Variants in HSPG2 observed in about 807,000 individuals in gnomAD.
HSPG2 encodes basement membrane-specific heparan sulfate proteoglycan core protein.
Under a neutral mutation model 526.6 loss-of-function variants are expected in HSPG2, and 278 were observed. That is an observed-to-expected ratio of 0.53 (90% CI 0.48 to 0.58). The LOEUF (loss-of-function observed/expected upper bound fraction) is 0.58. Ranked by LOEUF, HSPG2 falls within the 20% of genes least tolerant of loss-of-function variation. The pLI, the probability that HSPG2 is intolerant of heterozygous loss-of-function variation, is 0.00. For missense variants in HSPG2, 5,354 were observed against 6,099.5 expected (o/e 0.88, Z 4.07); for synonymous variants, 2,465 against 2,555.4 (o/e 0.96, Z 1.07).
chr1:21,872,574 C>T lies in HSPG2; in HGVS notation c.4029+46G>A, dbSNP rs1414376780. ...CAGTGCTCAGATGGACAGTAACAGGCAGCAGGTGGCAACACCGCCTGGGGC... is the reference window on the plus strand; with the variant it reads ...CAGTGCTCAGATGGACAGTAACAGGTAGCAGGTGGCAACACCGCCTGGGGC... On this transcript the variant is annotated intron_variant, in intron 32 of 96. Transcript: ENST00000374695. This position sits in a 1 kb window ranked among gnomAD's most constrained non-coding sequence, Gnocchi z 5.5. The T allele has an allele frequency of 5.1e-6, 8 of 1,557,578 alleles. No individual in the cohort carries two copies. The highest frequency in any genetic ancestry group is 1.9e-5 in the Admixed American group (1 of 51,382).
At chr1:21,866,106 A>G (rs1640209739) in intron 33 of HSPG2, among the ~76,000 whole-genome samples, 1 of 152,102 alleles carries the variant, frequency 6.6e-6, no homozygotes, top group African/African-American at 2.4e-5. Context: ...GTCTGCTTTC[A>G]TTTACAGGAA....
In HSPG2 at chr1:21,887,964, C is replaced by T. The variant is rs907141038; in HGVS notation, c.677G>A (p.Arg226Lys). 3.7e-6 allele frequency: 6 copies of T among 1,614,086 alleles called. No individual in the cohort carries two copies. In the African/African-American group the frequency reaches 6.7e-5, roughly 18 times the overall value. ...ACAATTGAGCTCATCAGACATGTCC[C>T]TGCAGTCGGGCCGCCGGTCACAGCG... is the stretch of plus-strand genomic sequence containing the variant. ...EYRCDRRPDC[R>K]DMSDELNCEE... The change falls in exon 7 of 97, where the codon AGG (arginine) becomes AAG (lysine). Residue 226 changes from arginine (R) to lysine (K), a missense_variant. By Grantham distance (26) the Arg-to-Lys change is conservative. Coordinates refer to ENST00000374695, the MANE Select transcript of HSPG2 (RefSeq NM_005529.7). This position sits in a 1 kb window ranked among gnomAD's most constrained non-coding sequence, Gnocchi z 5.0.
At chr1:21,921,926 G>A (rs1462371301) in intron 1 of HSPG2, among the ~76,000 whole-genome samples, 2 of 152,128 alleles carry the variant, frequency 1.3e-5, no homozygotes, top group African/African-American at 4.8e-5. Context: ...ACATTATGAA[G>A]ATCCCATAAG....
chr1:21,867,179 C>T (rs1640309149), intron 33 of HSPG2, among the ~76,000 whole-genome samples: 2 of 135,800 alleles, frequency 1.5e-5, no homozygotes, highest in Admixed American at 8.3e-5. Flanking sequence ...TGGTCTCAAA[C>T]TCCTGGACTC....
chr1:21,855,410 C>T lies in HSPG2; in HGVS notation c.5891G>A (p.Arg1964Lys), dbSNP rs373448635. 1.3e-4 allele frequency: 210 copies of T among 1,613,120 alleles called. 1 individual carries two copies. The highest frequency in any genetic ancestry group is 1.7e-4 in the Non-Finnish European group (202 of 1,179,876). ...GGPRVQVSPE[R>K]TQVHAGRTVR... is the part of the protein sequence containing the mutation. The stretch of plus-strand genomic sequence containing the variant: ...GGTGCGGCCTGCGTGGACCTGGGTC[C>T]TCTCTGGGCTCACTTGGACTCTGGG... Residue 1964 changes from arginine to lysine, a missense_variant, in exon 47 of 97, where the codon AGG (arginine) becomes AAG (lysine). Arg to Lys is a conservative substitution (Grantham distance 26, BLOSUM62 2). Coordinates refer to ENST00000374695, the MANE Select transcript of HSPG2 (RefSeq NM_005529.7).
rs374592982 is a variant in HSPG2, at chr1:21,854,921, G to T, written c.6060C>A (p.Ala2020=). ...LLIPAITTAD[A]GFYLCVATSP... The stretch of plus-strand genomic sequence containing the variant: ...TGGTGGCCACGCAGAGGTAGAAGCC[G>T]GCGTCAGCAGTCGTGATGGCTGGGA... Residue 2020 remains alanine, a synonymous_variant, in exon 48 of 97, where the codon GCC becomes GCA. Coordinates refer to ENST00000374695, the MANE Select transcript of HSPG2 (RefSeq NM_005529.7). 3 of 1,614,116 alleles carry T rather than the reference G, an allele frequency of 1.9e-6. No individual in the cohort carries two copies. The highest frequency in any genetic ancestry group is 8.5e-7 in the Non-Finnish European group (1 of 1,180,038).
At chr1:21,855,706 C>A in intron 45 of HSPG2, 31 bp from the exon 46 acceptor site, 4 of 1,589,968 alleles carry the variant, frequency 2.5e-6, no homozygotes, top group Non-Finnish European at 3.4e-6. Flanking sequence ...CAGCACCCAC[C>A]AAGCCTGCTC....
chr1:21,838,699 G>A (rs779012962), intron 74 of HSPG2, 126 bp downstream of exon 74: 1 of 990,818 alleles, frequency 1.0e-6, no homozygotes, highest in Non-Finnish European at 1.6e-6. Context: ...CTGGAGAGTA[G>A]GGGAGATGAG....
Position 21,853,030 on chromosome 1 carries a change from G to C in HSPG2, c.6480C>G (p.Ser2160=). The part of the protein sequence containing the change: ...STRPIRIEPS[S]SHVAEGQTLD... ...GGGTCTGCCCTTCCGCCACGTGTGA[G>C]GAGGAGGGCTCGATGCGGATGGGCC... The change falls in exon 51 of 97, where the codon TCC becomes TCG. Residue 2160 remains serine (S), a synonymous_variant. Transcript: ENST00000374695. 1 of 1,613,938 alleles carries C rather than the reference G, an allele frequency of 6.2e-7. No homozygotes were observed. Among genetic ancestry groups the C allele is most frequent in the Non-Finnish European group, 8.5e-7 (1 of 1,179,958 alleles).
intron 22 of HSPG2, 49 bp downstream of exon 22, chr1:21,876,463 C>A (rs753206320): frequency 6.2e-7 from 1 of 1,612,854 alleles, no homozygotes; most frequent in South Asian, 1.1e-5. Flanking sequence ...GCGCTTGGTC[C>A]ATCCGGCCCA....
chr1:21,875,794 A>G (rs763785313), intron 24 of HSPG2, 47 bp from the exon 25 acceptor site: 1 of 1,606,982 alleles, frequency 6.2e-7, no homozygotes, highest in South Asian at 1.1e-5. Context: ...GTCCTGGAGT[A>G]TTGAATGCCG....
At chr1:21,873,274 C>T in intron 30 of HSPG2, 101 bp downstream of exon 30, 1 of 1,394,024 alleles carries the variant, frequency 7.2e-7, no homozygotes, top group Non-Finnish European at 1.0e-6. Context: ...AAGAAACAGG[C>T]TCGGACAGGC....
At position 21,833,560 on chromosome 1, in the gene HSPG2, G is replaced by A; in HGVS notation, c.10885C>T (p.Pro3629Ser). 2 of 1,614,176 alleles carry A rather than the reference G, an allele frequency of 1.2e-6. No individual in the cohort carries two copies. Among genetic ancestry groups the A allele is most frequent in the Non-Finnish European group, 1.7e-6 (2 of 1,180,024 alleles). Residue 3629 changes from proline (P) to serine (S), a missense_variant, in exon 79 of 97, where the codon CCC (proline) becomes TCC (serine). Coordinates refer to ENST00000374695, the MANE Select transcript of HSPG2 (RefSeq NM_005529.7). ...SRLENNMLMLPSVRPQDAGTY... is the reference protein window; with the variant it reads ...SRLENNMLMLSSVRPQDAGTY... ...CCTGCGTCCTGGGGTCGGACTGAGG[G>A]CAGCATCAGCATGTTGTTCTCCAGG...
intron 91 of HSPG2, among the ~76,000 whole-genome samples, chr1:21,825,393 C>T (rs115781929): frequency 0.018 from 2,687 of 152,340 alleles, 66 homozygotes; most frequent in African/African-American, 0.061. Context: ...AGAAACCCCT[C>T]AGTCCGGAGC....
chr1:21,843,549 G>T, intron 65 of HSPG2, 111 bp from the exon 66 acceptor site: 1 of 1,150,568 alleles, frequency 8.7e-7, no homozygotes, highest in Non-Finnish European at 1.2e-6. Context: ...GGCGCATCCT[G>T]TTGGAGGCGA....
intron 10 of HSPG2, 73 bp downstream of exon 10, chr1:21,885,247 G>A (rs1009356438): frequency 6.2e-7 from 1 of 1,609,886 alleles, no homozygotes; most frequent in Non-Finnish European, 8.5e-7. Flanking sequence ...GAGAAGGGTG[G>A]AGGCTGAGGC....
chr1:21,892,471 C>T (rs916476481), intron 3 of HSPG2, among the ~76,000 whole-genome samples: 7 of 152,382 alleles, frequency 4.6e-5, no homozygotes, highest in Admixed American at 1.3e-4. Flanking sequence ...GACCCCACCC[C>T]GCTTCGTTCT....
intron 1 of HSPG2, among the ~76,000 whole-genome samples, chr1:21,925,220 G>A (rs531006301): frequency 2.0e-5 from 3 of 152,358 alleles, no homozygotes; most frequent in Non-Finnish European, 4.4e-5. Context: ...GATGTCAGGC[G>A]CACAGCAGGT....
At chr1:21,885,598 GCCAGCATGATGCGGCCA>G in intron 9 of HSPG2, 147 bp from the exon 10 acceptor site, 1 of 918,488 alleles carries the variant, frequency 1.1e-6, no homozygotes, top group Non-Finnish European at 1.7e-6. Flanking sequence ...CCAACTCACA[GCCAGCATGATGCGGCCA>G]CCAGCTGTCA....
Sources: gnomAD v4.1 joint callset for allele counts (sites outside exome capture counted in the v4.1 genomes callset) on GRCh38, gnomAD v4.1.1 for gene constraint, Gnocchi (gnomAD v3.1) non-coding constraint, MANE v1.5 for transcripts, NCBI Gene and HGNC (gene_info 2026-07-23, HGNC 2026-07-21) for gene names.